The following RBMS3 variants were observed in gnomAD, a reference collection of about 807,000 sequenced individuals.
RBMS3 encodes RNA binding motif single stranded interacting protein 3.
RBMS3 carries 27 observed loss-of-function variants against 66.8 expected under a neutral mutation model. That is an observed-to-expected ratio of 0.40 (90% CI 0.30 to 0.56). The LOEUF is 0.56. Among genes scored for constraint, RBMS3 ranks in the 20% least tolerant of loss-of-function variants. The pLI, the probability that RBMS3 is intolerant of heterozygous loss-of-function variation, is 0.40. For synonymous variants in RBMS3, 188 were observed against 183.0 expected, an observed-to-expected ratio of 1.03 and a Z score of -0.22; for missense variants, 513 against 549.5, an observed-to-expected ratio of 0.93 and a Z score of 0.66.
At chr3:29,527,180 G>GT (rs200084275) in intron 3 of RBMS3, among the ~76,000 whole-genome samples, 584 of 38,288 alleles carry the variant, frequency 0.015, 49 homozygotes, top group African/African-American at 0.044. Flanking sequence ...GTTAGGTAGA[G>GT]TAAAAAAAAA....
At chr3:29,437,278 C>A (rs1225373620) in intron 2 of RBMS3, among the ~76,000 whole-genome samples, 1 of 152,212 alleles carries the variant, frequency 6.6e-6, no homozygotes, top group Non-Finnish European at 1.5e-5. Context: ...GAACACACCA[C>A]TGATGTAGCA....
chr3:29,802,176 CCAG>C (rs760880735), intron 6 of RBMS3, among the ~76,000 whole-genome samples: 2 of 152,136 alleles, frequency 1.3e-5, no homozygotes, highest in Non-Finnish European at 2.9e-5. Flanking sequence ...TGAGTATAAA[CCAG>C]GAGCCCTTAG....
chr3:29,999,147 A>C (rs1452923208), intron 14 of RBMS3, among the ~76,000 whole-genome samples: 1 of 152,234 alleles, frequency 6.6e-6, no homozygotes, highest in Non-Finnish European at 1.5e-5. Flanking sequence ...ATGCAGCCAC[A>C]AGACACATGA....
At chr3:29,702,884 T>C (rs1257779135) in intron 4 of RBMS3, among the ~76,000 whole-genome samples, 1 of 152,186 alleles carries the variant, frequency 6.6e-6, no homozygotes, top group Non-Finnish European at 1.5e-5. Context: ...GTCCGCGGCT[T>C]CATTCTTGAA....
chr3:29,671,639 C>T (rs561760824), intron 4 of RBMS3, among the ~76,000 whole-genome samples: 3 of 152,272 alleles, frequency 2.0e-5, no homozygotes, highest in Admixed American at 6.5e-5. Flanking sequence ...GACACATGCA[C>T]AAGCTTCAGT....
intron 4 of RBMS3, among the ~76,000 whole-genome samples, chr3:29,644,511 C>A (rs959472229): frequency 6.6e-6 from 1 of 152,184 alleles, no homozygotes; most frequent in South Asian, 2.1e-4. Context: ...TCAGATGGAA[C>A]ACGTAGACTG....
intron 2 of RBMS3, among the ~76,000 whole-genome samples, chr3:29,445,412 CAAA>C (rs11331510): frequency 6.8e-6 from 1 of 146,558 alleles, no homozygotes; most frequent in African/African-American, 2.5e-5. Context: ...GCTGCTGAGA[CAAA>C]AAAAAAAAAC....
intron 5 of RBMS3, among the ~76,000 whole-genome samples, chr3:29,756,668 C>G (rs2055429118): frequency 6.6e-6 from 1 of 152,026 alleles, no homozygotes; most frequent in African/African-American, 2.4e-5. Flanking sequence ...TGGTTGGGGA[C>G]ACAGCAAAAC....
rs951818106 is a variant in RBMS3 at position 29,974,872 on chromosome 3, A to T, written c.1099-13271A>T. 4.2e-5 allele frequency among the ~76,000 whole-genome samples: 6 copies of T among 142,304 alleles called. No individual in the cohort carries two copies. In the East Asian group the frequency reaches 1.2e-3, roughly 29 times the overall value. 93.4% of individuals were successfully genotyped at this position (142,304 alleles called of 152,430 possible). ...ATATATAAAATACGTTTCTATATTTATATATTTTATATATAAAATACGTTT... is the reference window on the plus strand; with the variant it reads ...ATATATAAAATACGTTTCTATATTTTTATATTTTATATATAAAATACGTTT... On this transcript the variant is annotated intron_variant, in intron 12 of 14. Coordinates refer to ENST00000383767, the MANE Select transcript of RBMS3 (RefSeq NM_001003793.3).
intron 1 of RBMS3, among the ~76,000 whole-genome samples, chr3:29,306,369 T>G (rs1470037336): frequency 6.6e-6 from 1 of 151,964 alleles, no homozygotes; most frequent in African/African-American, 2.4e-5. Context: ...CTTCTTCAGC[T>G]TAGATCCTCA....
chr3:29,924,858 A>AG lies in RBMS3; in HGVS notation c.940-11228_940-11227insG, dbSNP rs538429694. ...CTCAGGAAAAAAAGAAAAAAAAAAA[A>AG]AGAGAGAGAGAGAGAACAGATTTAA... On this transcript the variant is annotated intron_variant, in intron 10 of 14. Transcript: ENST00000383767. 318 of 152,390 alleles carry AG rather than the reference A, an allele frequency of 2.1e-3. 1 individual carries two copies. The highest frequency in any genetic ancestry group is 0.02 in the South Asian group (98 of 4,804). The allele number at this position is 152,390 out of a possible 1,614,324, so 9.4% of individuals were successfully genotyped here.
chr3:29,388,431 T>A (rs1409888433), intron 1 of RBMS3, among the ~76,000 whole-genome samples: 1 of 152,176 alleles, frequency 6.6e-6, no homozygotes, highest in Non-Finnish European at 1.5e-5. Flanking sequence ...ATTTGACTGT[T>A]TATCTTTTTT....
intron 2 of RBMS3, among the ~76,000 whole-genome samples, chr3:29,447,844 G>A (rs1053299869): frequency 3.9e-5 from 6 of 152,134 alleles, no homozygotes; most frequent in African/African-American, 1.4e-4. Flanking sequence ...TCTAGACCTT[G>A]TGTATATAAA....
At chr3:29,914,615 T>A (rs2060593951) in intron 10 of RBMS3, among the ~76,000 whole-genome samples, 1 of 151,944 alleles carries the variant, frequency 6.6e-6, no homozygotes, top group Non-Finnish European at 1.5e-5. Context: ...CCAATTATGC[T>A]TTTTCTTATA....
intron 1 of RBMS3, among the ~76,000 whole-genome samples, chr3:29,326,220 T>C (rs12491584): frequency 0.41 from 61,949 of 151,910 alleles, 13,537 homozygotes; most frequent in East Asian, 0.79. Context: ...CTACATAATA[T>C]ATATGGACTA....
At chr3:29,720,545 CAT>C (rs1316246122) in intron 4 of RBMS3, among the ~76,000 whole-genome samples, 2 of 152,164 alleles carry the variant, frequency 1.3e-5, no homozygotes, top group South Asian at 2.1e-4. Context: ...TATATATAAA[CAT>C]ATACCTAAAT....
intron 6 of RBMS3, among the ~76,000 whole-genome samples, chr3:29,835,779 G>C (rs2058490627): frequency 6.6e-6 from 1 of 151,354 alleles, no homozygotes; most frequent in South Asian, 2.1e-4. Flanking sequence ...AAAGATCAAG[G>C]AAGAAATAAA....
intron 10 of RBMS3, among the ~76,000 whole-genome samples, chr3:29,921,204 A>C (rs2060769344): frequency 1.3e-5 from 2 of 151,818 alleles, no homozygotes; most frequent in African/African-American, 2.4e-5. Flanking sequence ...CTGGGATTAC[A>C]GGCGCCCGCC....
chr3:29,301,082 A>T (rs989633646), intron 1 of RBMS3, among the ~76,000 whole-genome samples: 1 of 151,966 alleles, frequency 6.6e-6, no homozygotes, highest in Non-Finnish European at 1.5e-5. Flanking sequence ...TATATTAATT[A>T]TGTAACAATG....
Sources: gnomAD v4.1 joint callset for allele counts (sites outside exome capture counted in the v4.1 genomes callset) on GRCh38, gnomAD v4.1.1 for gene constraint, MANE v1.5 for transcripts, NCBI Gene and HGNC (gene_info 2026-07-23, HGNC 2026-07-21) for gene names.